EFHD1: variants seen among roughly 807,000 people sequenced by gnomAD.
The protein encoded by EFHD1 is EF-hand domain-containing protein D1.
EFHD1 carries 10 observed loss-of-function variants against 17.2 expected under a neutral mutation model. That is an observed-to-expected ratio of 0.58 (90% CI 0.36 to 0.99). The LOEUF is 0.99. Among genes scored for constraint, EFHD1 ranks in the 50% least tolerant of loss-of-function variants. The pLI is 0.01. For missense variants in EFHD1, 310 were observed against 327.5 expected, an observed-to-expected ratio of 0.95 and a Z score of 0.41; for synonymous variants, 153 against 142.0, an observed-to-expected ratio of 1.08 and a Z score of -0.55.
chr2:232,667,672 C>G (rs1408809354), intron 2 of EFHD1, among the ~76,000 whole-genome samples: 1 of 152,126 alleles, frequency 6.6e-6, no homozygotes, highest in African/African-American at 2.4e-5. Flanking sequence ...CCTGCCTCAG[C>G]CTCCCAAGTA....
chr2:232,632,492 G>T (rs1694221384), upstream of EFHD1, among the ~76,000 whole-genome samples: 1 of 152,216 alleles, frequency 6.6e-6, no homozygotes. Flanking sequence ...CCTGGCTGAT[G>T]TAACAGCGGC....
intron 1 of EFHD1, among the ~76,000 whole-genome samples, chr2:232,644,255 C>G (rs1397637799): frequency 6.6e-6 from 1 of 152,108 alleles, no homozygotes; most frequent in Non-Finnish European, 1.5e-5. Flanking sequence ...CCTGTGTCTC[C>G]CCAGACCCCC....
chr2:232,681,415 C>T (rs1300440611), intron 3 of EFHD1, among the ~76,000 whole-genome samples, 170 bp from the exon 4 acceptor site: 1 of 152,222 alleles, frequency 6.6e-6, no homozygotes, highest in Non-Finnish European at 1.5e-5. Flanking sequence ...CAACAGAAAG[C>T]AACTTCTGAA....
At chr2:232,659,291 G>T (rs370147561) in intron 1 of EFHD1, among the ~76,000 whole-genome samples, 1 of 151,106 alleles carries the variant, frequency 6.6e-6, no homozygotes, top group African/African-American at 2.4e-5. Context: ...TGAGGGCACT[G>T]AGAAAAAAAA....
upstream of EFHD1, chr2:232,633,427 A>C (rs1694240926): frequency 1.7e-6 from 2 of 1,199,698 alleles, no homozygotes; most frequent in Non-Finnish European, 2.1e-6. Context: ...CCGCGGGGAG[A>C]GGAAGCAGGT....
chr2:232,606,997 C>CTTA (rs1330510297), intron 1 of EFHD1, among the ~76,000 whole-genome samples: 3 of 148,532 alleles, frequency 2.0e-5, no homozygotes, highest in African/African-American at 4.9e-5. Flanking sequence ...TTTTTTTTTT[C>CTTA]TTATTATGTT....
At chr2:232,672,725 A>G (rs944318414) in intron 3 of EFHD1, among the ~76,000 whole-genome samples, 4 of 152,172 alleles carry the variant, frequency 2.6e-5, no homozygotes, top group African/African-American at 9.6e-5. Context: ...GTTCATGTAC[A>G]TGAAAGCATT....
chr2:232,643,609 C>T (rs1185870606), intron 1 of EFHD1, among the ~76,000 whole-genome samples: 7 of 151,786 alleles, frequency 4.6e-5, no homozygotes, highest in Non-Finnish European at 1.0e-4. Context: ...TGGTCTCAAA[C>T]TCCTGGGCTC....
At chr2:232,672,171 G>GAA in intron 2 of EFHD1, 138 bp from the exon 3 acceptor site, 1 of 1,220,148 alleles carries the variant, frequency 8.2e-7, no homozygotes, top group Non-Finnish European at 1.2e-6. Context: ...TCTGATGAGG[G>GAA]AAAAAAGTAA....
intron 1 of EFHD1, among the ~76,000 whole-genome samples, chr2:232,649,232 C>T (rs940103726): frequency 2.0e-5 from 3 of 152,182 alleles, no homozygotes; most frequent in Admixed American, 6.5e-5. Flanking sequence ...GGGTTGGGGT[C>T]GGAGTCACCT....
At chr2:232,635,615 T>G (rs10933400) in intron 1 of EFHD1, among the ~76,000 whole-genome samples, 81,541 of 151,872 alleles carry the variant, frequency 0.54, 22,872 homozygotes, top group African/African-American at 0.68. Flanking sequence ...GGTCAGGAGT[T>G]CAAGACCAGC....
At chr2:232,637,301 G>C (rs1350042286) in intron 1 of EFHD1, among the ~76,000 whole-genome samples, 1 of 151,056 alleles carries the variant, frequency 6.6e-6, no homozygotes, top group Non-Finnish European at 1.5e-5. Flanking sequence ...TGAGCACCTG[G>C]TGCTCTCCCT....
At chr2:232,650,404 C>T (rs928801981) in intron 1 of EFHD1, among the ~76,000 whole-genome samples, 5 of 145,882 alleles carry the variant, frequency 3.4e-5, no homozygotes, top group African/African-American at 1.3e-4. Context: ...AAGCGATTCT[C>T]CTGTCTCAGC....
chr2:232,614,548 C>A (rs1318121835), intron 1 of EFHD1, among the ~76,000 whole-genome samples: 10 of 152,194 alleles, frequency 6.6e-5, no homozygotes, highest in Non-Finnish European at 1.2e-4. Flanking sequence ...GTGTGTAGTA[C>A]ACGGAACCCA....
chr2:232,629,346 AC>A (rs367598466), upstream of EFHD1, among the ~76,000 whole-genome samples: 177 of 152,334 alleles, frequency 1.2e-3, no homozygotes, highest in African/African-American at 4.0e-3. Flanking sequence ...CACAGACAAA[AC>A]ATTTTCAGCT....
intron 1 of EFHD1, among the ~76,000 whole-genome samples, chr2:232,650,930 G>GA (rs1244994335): frequency 4.6e-5 from 7 of 152,004 alleles, no homozygotes; most frequent in African/African-American, 1.7e-4. Flanking sequence ...AAATTATAGG[G>GA]AAAAAAAGAG....
intron 2 of EFHD1, among the ~76,000 whole-genome samples, chr2:232,664,892 T>G (rs1024227641): frequency 6.7e-6 from 1 of 148,800 alleles, no homozygotes; most frequent in Admixed American, 6.7e-5. Flanking sequence ...GGATTACAGG[T>G]GTGAGCCACC....
intron 1 of EFHD1, among the ~76,000 whole-genome samples, chr2:232,619,836 C>T (rs1169520862): frequency 6.6e-6 from 1 of 151,914 alleles, no homozygotes; most frequent in Admixed American, 6.6e-5. Flanking sequence ...TTCAAGGCTG[C>T]ATTGAGCTAT....
At chr2:232,668,703 G>A (rs571371899) in intron 2 of EFHD1, among the ~76,000 whole-genome samples, 4 of 152,016 alleles carry the variant, frequency 2.6e-5, no homozygotes, top group Non-Finnish European at 4.4e-5. Flanking sequence ...GCGCGATCTC[G>A]GCTCACTGCA....
Sources: gnomAD v4.1 joint callset for allele counts (sites outside exome capture counted in the v4.1 genomes callset) on GRCh38, gnomAD v4.1.1 for gene constraint, MANE v1.5 for transcripts, NCBI Gene and HGNC (gene_info 2026-07-23, HGNC 2026-07-21) for gene names.